GPHN: variants seen among roughly 807,000 people sequenced by gnomAD.
GPHN encodes gephyrin.
GPHN carries 17 observed loss-of-function variants against 95.5 expected under a neutral mutation model. The observed-to-expected ratio is 0.18, with a 90% CI of 0.12 to 0.27. GPHN has a LOEUF of 0.27. GPHN is among the 10% of genes least tolerant of loss of function. The pLI is 1.00. For missense variants in GPHN, 660 were observed against 978.1 expected (o/e 0.67, Z 4.34); for synonymous variants, 320 against 322.5 (o/e 0.99, Z 0.08).
chr14:66,561,741 A>T (rs2060256207), intron 1 of GPHN, among the ~76,000 whole-genome samples: 1 of 152,192 alleles, frequency 6.6e-6, no homozygotes, highest in Non-Finnish European at 1.5e-5. Context: ...ATTGTTATAC[A>T]AAATTACCAT....
chr14:67,421,147 T>A, the GPHN span, among the ~76,000 whole-genome samples: 3 of 152,172 alleles, frequency 2.0e-5, no homozygotes, highest in Non-Finnish European at 4.4e-5. Context: ...AAAATTAGTA[T>A]GAATTTTAAG....
chr14:67,243,802 A>AT, the GPHN span, among the ~76,000 whole-genome samples: 1 of 151,976 alleles, frequency 6.6e-6, no homozygotes, highest in African/African-American at 2.4e-5. Flanking sequence ...AGCCCTTATG[A>AT]TTTTTGATCA....
At chr14:67,448,059 G>A in the GPHN span, 6 of 128,298 alleles carry the variant, frequency 4.7e-5, no homozygotes, top group African/African-American at 1.7e-4. Flanking sequence ...AAAGAAATAC[G>A]TTTTTATTGG....
chr14:67,138,344 G>A (rs1381867099), intron 17 of GPHN, among the ~76,000 whole-genome samples: 1 of 152,064 alleles, frequency 6.6e-6, no homozygotes, highest in African/African-American at 2.4e-5. Flanking sequence ...TTAAATATAA[G>A]GTCAGATTAT....
chr14:66,611,381 T>C (rs912495855), intron 1 of GPHN, among the ~76,000 whole-genome samples: 1 of 152,152 alleles, frequency 6.6e-6, no homozygotes, highest in Non-Finnish European at 1.5e-5. Context: ...AACACTGATA[T>C]ACGTCCATTT....
chr14:67,692,247 T>C, the GPHN span: 3 of 607,292 alleles, frequency 4.9e-6, no homozygotes, highest in Non-Finnish European at 8.5e-6. Context: ...TTGAATTCAT[T>C]TTTTGTTTCT....
chr14:66,598,397 A>C (rs1019845320), intron 1 of GPHN, among the ~76,000 whole-genome samples: 2 of 152,102 alleles, frequency 1.3e-5, no homozygotes, highest in Non-Finnish European at 2.9e-5. Flanking sequence ...TCAGTTAAAA[A>C]AAAGTACTGA....
chr14:66,996,161 C>G, intron 9 of GPHN: 1 of 1,525,602 alleles, frequency 6.6e-7, no homozygotes, highest in Non-Finnish European at 8.8e-7. Context: ...TTTTCTTTTC[C>G]CCACTGCAAA....
chr14:67,352,915 C>A, the GPHN span: 2 of 1,573,928 alleles, frequency 1.3e-6, no homozygotes, highest in Non-Finnish European at 1.7e-6. Context: ...AAGAAAAGTT[C>A]ATTCTACCTC....
At chr14:67,314,546 T>C in the GPHN span, among the ~76,000 whole-genome samples, 1 of 152,192 alleles carries the variant, frequency 6.6e-6, no homozygotes, top group Non-Finnish European at 1.5e-5. Flanking sequence ...ACAGGACATT[T>C]CTCTAGAATC....
At chr14:67,111,263 A>G (rs1289364455) in intron 14 of GPHN, among the ~76,000 whole-genome samples, 1 of 152,212 alleles carries the variant, frequency 6.6e-6, no homozygotes, top group Non-Finnish European at 1.5e-5. Context: ...AAGCCAGCAA[A>G]GCACTGAATT....
chr14:67,242,508 G>A, the GPHN span, among the ~76,000 whole-genome samples: 1 of 152,192 alleles, frequency 6.6e-6, no homozygotes, highest in African/African-American at 2.4e-5. Context: ...GATTATACCA[G>A]AAGTTAATAA....
At chr14:66,704,204 G>A (rs554019785) in intron 2 of GPHN, among the ~76,000 whole-genome samples, 28 of 151,862 alleles carry the variant, frequency 1.8e-4, no homozygotes, top group Non-Finnish European at 2.6e-4. Context: ...ACTTAGACTC[G>A]CACACAATAA....
chr14:67,648,120 C>T, the GPHN span: 1 of 1,614,026 alleles, frequency 6.2e-7, no homozygotes, highest in Non-Finnish European at 8.5e-7. Flanking sequence ...CACAGGAACT[C>T]CTGTTGTCGG....
intron 1 of GPHN, among the ~76,000 whole-genome samples, chr14:66,588,376 G>T (rs959259094): frequency 6.6e-6 from 1 of 152,054 alleles, no homozygotes; most frequent in African/African-American, 2.4e-5. Flanking sequence ...AACAAAACTG[G>T]AATGAGAATT....
At chr14:67,438,084 G>A in the GPHN span, among the ~76,000 whole-genome samples, 1 of 152,232 alleles carries the variant, frequency 6.6e-6, no homozygotes, top group South Asian at 2.1e-4. Flanking sequence ...CTCCCCAGCT[G>A]TCACCCCCCT....
the GPHN span, chr14:67,725,087 T>A: frequency 6.2e-7 from 1 of 1,614,112 alleles, no homozygotes; most frequent in Non-Finnish European, 8.5e-7. Context: ...TCTTTTTTTG[T>A]CTTGGACCCA....
chr14:67,559,666 A>T, the GPHN span: 1 of 1,606,638 alleles, frequency 6.2e-7, no homozygotes, highest in Non-Finnish European at 8.5e-7. Context: ...AAGATCAAGG[A>T]ATGGGTGACA....
the GPHN span, chr14:67,726,025 A>T: frequency 6.6e-7 from 1 of 1,522,726 alleles, no homozygotes; most frequent in South Asian, 1.1e-5. Context: ...TGCTAACCAT[A>T]GGATCTCTTT....
Sources: allele counts gnomAD v4.1 joint callset (sites outside exome capture counted in the v4.1 genomes callset), GRCh38; gene constraint gnomAD v4.1.1; transcripts MANE v1.5; gene names NCBI Gene and HGNC (gene_info 2026-07-23, HGNC 2026-07-21).